PHF14: variants seen among roughly 807,000 people sequenced by gnomAD.
PHF14 encodes the protein PHD finger protein 14.
Under a neutral mutation model 117.9 loss-of-function variants are expected in PHF14, and 55 were observed. The ratio of observed to expected loss-of-function variants is 0.47; its 90% CI spans 0.38 to 0.58. The LOEUF is 0.58. Ranked by LOEUF, PHF14 falls within the 20% of genes least tolerant of loss-of-function variation. The pLI, the probability that PHF14 is intolerant of heterozygous loss-of-function variation, is 0.00. For synonymous variants in PHF14, 409 were observed against 368.6 expected (o/e 1.11, Z -1.26); for missense variants, 978 against 1,122.2 (o/e 0.87, Z 1.84).
At chr7:11,013,097 G>A (rs220096) in intron 4 of PHF14, among the ~76,000 whole-genome samples, 108,970 of 152,090 alleles carry the variant, frequency 0.72, 40,215 homozygotes, top group African/African-American at 0.9. Flanking sequence ...AGGGACCTCA[G>A]TAAGTGTTTG....
At chr7:11,113,429 G>C (rs982105741) in intron 17 of PHF14, among the ~76,000 whole-genome samples, 1 of 152,026 alleles carries the variant, frequency 6.6e-6, no homozygotes, top group African/African-American at 2.4e-5. Flanking sequence ...TAGAAAACTT[G>C]CTTTATATTT....
At chr7:11,159,037 T>G (rs1001587872) in intron 17 of PHF14, among the ~76,000 whole-genome samples, 1 of 152,176 alleles carries the variant, frequency 6.6e-6, no homozygotes, top group African/African-American at 2.4e-5. Flanking sequence ...TAAAAGATTT[T>G]AAGTATTGAA....
At chr7:11,148,643 A>G (rs941715677) in intron 17 of PHF14, among the ~76,000 whole-genome samples, 19 of 152,208 alleles carry the variant, frequency 1.2e-4, no homozygotes, top group Non-Finnish European at 2.5e-4. Flanking sequence ...CATGAGGACG[A>G]TACGCTGTTG....
At chr7:11,131,570 G>A (rs1788090742) in intron 17 of PHF14, among the ~76,000 whole-genome samples, 1 of 151,790 alleles carries the variant, frequency 6.6e-6, no homozygotes, top group Non-Finnish European at 1.5e-5. Context: ...TATGTGGTTT[G>A]CAAATATTTT....
chr7:10,974,983 C>T (rs1474085259), intron 2 of PHF14, 38 bp downstream of exon 2: 1 of 1,038,698 alleles, frequency 9.6e-7, no homozygotes, highest in Admixed American at 2.3e-5. Context: ...TCCCAGCTTT[C>T]TGGAGTTAGG....
At chr7:11,138,141 C>T (rs1167822234) in intron 17 of PHF14, among the ~76,000 whole-genome samples, 4 of 150,952 alleles carry the variant, frequency 2.6e-5, no homozygotes, top group East Asian at 2.0e-4. Flanking sequence ...CCTGGATTCA[C>T]GCCATTCTCC....
intron 16 of PHF14, chr7:11,104,263 C>G: frequency 1.0e-6 from 1 of 984,482 alleles, no homozygotes; most frequent in Non-Finnish European, 1.2e-6. Context: ...ACATTTGGTG[C>G]TAGTCCTAAG....
chr7:11,163,182 GAT>G (rs1340995980), intron 17 of PHF14, among the ~76,000 whole-genome samples: 4 of 152,164 alleles, frequency 2.6e-5, no homozygotes, highest in African/African-American at 9.7e-5. Context: ...TCTACTTAAT[GAT>G]ATATGTGTTT....
At chr7:11,136,544 G>A (rs1344398150) in intron 17 of PHF14, among the ~76,000 whole-genome samples, 1 of 152,024 alleles carries the variant, frequency 6.6e-6, no homozygotes, top group South Asian at 2.1e-4. Context: ...CTTTTGCATA[G>A]TTATTACTTT....
At position 11,079,258 on chromosome 7, in the gene PHF14, C is replaced by T. The variant is rs140719785; in HGVS notation, c.2654+17173C>T. Among the ~76,000 whole-genome samples the T allele has an allele frequency of 1.6e-3, 243 of 152,232 alleles. 1 individual carries two copies. Among genetic ancestry groups the T allele is most frequent in the Non-Finnish European group, 2.3e-3 (155 of 67,990 alleles). On this transcript the variant is annotated intron_variant, in intron 16 of 17. Transcript: ENST00000634607. Reference sequence around the variant, plus strand: ...AATAAAATATCCAGAATTAGGTTGTCTTTGTGAGATGGCTCGGTAGCTGGC... The same window carrying T: ...AATAAAATATCCAGAATTAGGTTGTTTTTGTGAGATGGCTCGGTAGCTGGC...
At chr7:11,110,126 T>C (rs1022156733) in intron 16 of PHF14, 3 of 151,900 alleles carry the variant, frequency 2.0e-5, no homozygotes, top group East Asian at 3.8e-4. Context: ...CCTTTTATTA[T>C]GATGGTTTCT....
chr7:11,082,513 T>C (rs1029291022), intron 16 of PHF14, among the ~76,000 whole-genome samples: 1 of 152,252 alleles, frequency 6.6e-6, no homozygotes, highest in African/African-American at 2.4e-5. Context: ...GCAGATAAGC[T>C]TAATTTTCCC....
chr7:10,992,897 G>A (rs1373710440), intron 4 of PHF14, among the ~76,000 whole-genome samples: 1 of 152,078 alleles, frequency 6.6e-6, no homozygotes, highest in Non-Finnish European at 1.5e-5. Context: ...TTGAGTTTCT[G>A]TCTCATAGAC....
At chr7:10,999,512 C>T (rs561839429) in intron 4 of PHF14, among the ~76,000 whole-genome samples, 2 of 152,240 alleles carry the variant, frequency 1.3e-5, no homozygotes, top group South Asian at 4.1e-4. Flanking sequence ...CAAAATGACC[C>T]TCGCTCTCTA....
intron 16 of PHF14, chr7:11,103,100 T>C (rs1787145013): frequency 8.2e-6 from 8 of 970,240 alleles, no homozygotes; most frequent in Non-Finnish European, 9.8e-6. Context: ...ATATTAAATG[T>C]TATTTCTATT....
rs116283398 is a variant in PHF14, at chr7:11,092,951, C to T, written c.2655-18399C>T. Among the ~76,000 whole-genome samples the T allele has an allele frequency of 5.9e-3, 903 of 152,226 alleles. 8 individuals carry two copies. The highest frequency in any genetic ancestry group is 0.021 in the African/African-American group (855 of 41,550). ...CCCTTGAATCAGATTGGCATGGCAA[C>T]GTTCTAGATTGCTCTGAAATAGCAC... is the stretch of plus-strand genomic sequence containing the variant. On this transcript the variant is annotated intron_variant, in intron 16 of 17. Transcript: ENST00000634607.
chr7:10,983,217 A>G (rs1296638891), intron 3 of PHF14, 58 bp downstream of exon 3: 1 of 1,530,722 alleles, frequency 6.5e-7, no homozygotes, highest in African/African-American at 1.4e-5. Flanking sequence ...TCTTCTCTAA[A>G]TCACTCTACA....
At chr7:11,103,908 C>G in intron 16 of PHF14, 1 of 980,886 alleles carries the variant, frequency 1.0e-6, no homozygotes, top group Non-Finnish European at 1.2e-6. Flanking sequence ...TTTAGCAAAA[C>G]TAGTAGACTT....
At chr7:11,099,382 A>G (rs1237127134) in intron 16 of PHF14, among the ~76,000 whole-genome samples, 1 of 152,172 alleles carries the variant, frequency 6.6e-6, no homozygotes, top group East Asian at 1.9e-4. Flanking sequence ...TAGATGCAGT[A>G]TAGTCAGGTA....
Sources: allele counts gnomAD v4.1 joint callset (sites outside exome capture counted in the v4.1 genomes callset), GRCh38; gene constraint gnomAD v4.1.1; transcripts MANE v1.5; gene names NCBI Gene and HGNC (gene_info 2026-07-23, HGNC 2026-07-21).